THSD4: variants seen among roughly 807,000 people sequenced by gnomAD.
The protein encoded by THSD4 is thrombospondin type-1 domain-containing protein 4.
THSD4 carries 69 observed loss-of-function variants against 119.0 expected under a neutral mutation model. That is an observed-to-expected ratio of 0.58 (90% confidence interval 0.48 to 0.71). The LOEUF is 0.71. Ranked by LOEUF, THSD4 falls within the 30% of genes least tolerant of loss-of-function variation. The pLI, the probability that THSD4 is intolerant of heterozygous loss-of-function variation, is 0.00. For synonymous variants in THSD4, 524 were observed against 540.4 expected (o/e 0.97, Z 0.42); for missense variants, 1,393 against 1,391.1 (o/e 1.00, Z -0.02).
intron 7 of THSD4, among the ~76,000 whole-genome samples, chr15:71,612,822 G>T (rs1041998318): frequency 6.6e-6 from 1 of 152,212 alleles, no homozygotes; most frequent in Non-Finnish European, 1.5e-5. Context: ...AAATGGATGG[G>T]TGTTGCTTTG....
intron 1 of THSD4, among the ~76,000 whole-genome samples, chr15:71,107,962 T>G (rs1033981662): frequency 1.4e-4 from 22 of 152,210 alleles, no homozygotes; most frequent in African/African-American, 4.3e-4. Flanking sequence ...CCTGAATCAC[T>G]GCTTCGTTTT....
rs1025890032 is a variant in THSD4, at chr15:71,215,908, C to T, written c.464+509C>T. Reference sequence around the variant, plus strand: ...TGTGAACTTTTCTAGTAAGTTTCTCCGAAGTTTTTTGAGTCAACACATTGG... The same window carrying T: ...TGTGAACTTTTCTAGTAAGTTTCTCTGAAGTTTTTTGAGTCAACACATTGG... On this transcript the variant is annotated intron_variant, in intron 4 of 17. Transcript: ENST00000261862. Among the ~76,000 whole-genome samples, 4 of 152,292 alleles carry T rather than the reference C, an allele frequency of 2.6e-5. No homozygotes were observed. In the East Asian group the frequency reaches 5.8e-4, roughly 22 times the overall value.
chr15:71,742,000 G>T (rs1366732531), intron 11 of THSD4, among the ~76,000 whole-genome samples: 1 of 152,210 alleles, frequency 6.6e-6, no homozygotes, highest in Non-Finnish European at 1.5e-5. Context: ...AGGCAATGCG[G>T]AGGCACAGAT....
At chr15:71,734,110 C>T (rs1414048492) in intron 10 of THSD4, among the ~76,000 whole-genome samples, 1 of 151,926 alleles carries the variant, frequency 6.6e-6, no homozygotes, top group African/African-American at 2.4e-5. Flanking sequence ...CACCCAGCCC[C>T]CTTGTAGTTT....
At chr15:71,568,057 G>A (rs1440883138) in intron 7 of THSD4, among the ~76,000 whole-genome samples, 3 of 151,998 alleles carry the variant, frequency 2.0e-5, no homozygotes, top group Non-Finnish European at 4.4e-5. Context: ...TCTTGGTATA[G>A]GATGAGTATA....
chr15:71,718,135 C>T (rs947727506), intron 8 of THSD4, among the ~76,000 whole-genome samples: 12 of 133,796 alleles, frequency 9.0e-5, no homozygotes, highest in African/African-American at 2.8e-4. Context: ...GGCAACAGAG[C>T]GAGACCCTGT....
chr15:71,110,727 C>T, upstream of THSD4: 1 of 181,674 alleles, frequency 5.5e-6, no homozygotes, highest in Admixed American at 5.3e-5. Context: ...AGTCCCCTGC[C>T]TTCCTCAGGG....
At chr15:71,179,947 T>A (rs1390271656) in intron 3 of THSD4, among the ~76,000 whole-genome samples, 3 of 79,578 alleles carry the variant, frequency 3.8e-5, no homozygotes, top group Non-Finnish European at 7.6e-5. Context: ...AACAATGAGA[T>A]CACATGGACA....
intron 13 of THSD4, 53 bp from the exon 14 acceptor site, chr15:71,748,368 T>C: frequency 2.5e-6 from 4 of 1,602,114 alleles, no homozygotes; most frequent in Non-Finnish European, 2.6e-6. Context: ...CTGGCAATTC[T>C]CTCCCAGAGC....
intron 7 of THSD4, among the ~76,000 whole-genome samples, chr15:71,452,262 G>A (rs531011123): frequency 6.6e-6 from 1 of 152,278 alleles, no homozygotes; most frequent in South Asian, 2.1e-4. Context: ...ACTCTGCAAG[G>A]TGATCTCCCA....
chr15:71,454,900 G>A (rs1426031067), intron 7 of THSD4, among the ~76,000 whole-genome samples: 1 of 152,174 alleles, frequency 6.6e-6, no homozygotes, highest in East Asian at 1.9e-4. Flanking sequence ...GATCAAGATG[G>A]GAGGAATAAA....
chr15:71,605,904 G>A (rs759531172), intron 7 of THSD4, among the ~76,000 whole-genome samples: 9 of 152,174 alleles, frequency 5.9e-5, no homozygotes, highest in Non-Finnish European at 1.0e-4. Flanking sequence ...GGGGAGGAAG[G>A]CACAGGAGAC....
In THSD4 at chr15:71,771,082, G is replaced by A. The variant is rs749116588; in HGVS notation, c.2788G>A (p.Gly930Ser). ...EWSMCSKSCQ[G>S]GFRVREVRCL... ...CATGCAGTGTTCCAAGAGCTGCCAG[G>A]GTGGCTTTCGGGTCCGGGAAGTGCG... Residue 930 changes from glycine (G) to serine (S), a missense_variant, in exon 17 of 18, where the codon GGT becomes AGT. Gly to Ser is a moderately conservative substitution (Grantham distance 56, BLOSUM62 0). Transcript: ENST00000261862. 1.9e-6 allele frequency: 3 copies of A among 1,614,006 alleles called. No individual in the cohort carries two copies. In the African/African-American group the frequency reaches 4.0e-5, roughly 22 times the overall value.
Position 71,780,606 on chromosome 15 carries a change from C to T in THSD4, c.*3232C>T, listed in dbSNP as rs1398912553. On this transcript the variant is annotated 3_prime_UTR_variant, in exon 18 of 18. Transcript: ENST00000261862. ...CAGTTCAGTTCCGTAAAGGTATGCT[C>T]AGTGCCCGCTGCCTGCAAGCTGTTG... 2.2e-6 allele frequency: 1 copy of T among 454,942 alleles called. No individual in the cohort carries two copies. Among genetic ancestry groups the T allele is most frequent in the Non-Finnish European group, 4.4e-6 (1 of 226,390 alleles). The allele number at this position is 454,942 out of a possible 1,614,324, so 28.2% of individuals were successfully genotyped here. A position where few individuals can be genotyped will look rare whatever the true frequency, so the allele number is the denominator to read the frequency against.
intron 7 of THSD4, among the ~76,000 whole-genome samples, chr15:71,456,400 T>C (rs970555103): frequency 4.6e-5 from 7 of 152,158 alleles, no homozygotes; most frequent in Admixed American, 2.6e-4. Flanking sequence ...ATCATCTTTG[T>C]TGAAAAAGAA....
At chr15:71,562,698 C>CT (rs34555744) in intron 7 of THSD4, among the ~76,000 whole-genome samples, 5,116 of 125,156 alleles carry the variant, frequency 0.041, 400 homozygotes, top group African/African-American at 0.12. Flanking sequence ...ACCTTTGGTC[C>CT]TTTTTTTTTT....
intron 6 of THSD4, among the ~76,000 whole-genome samples, chr15:71,296,283 A>AGG (rs1393729000): frequency 1.3e-5 from 2 of 152,338 alleles, no homozygotes; most frequent in East Asian, 3.9e-4. Flanking sequence ...ACAATAGATA[A>AGG]GGGTTACCCT....
At chr15:71,599,840 G>T (rs144820675) in intron 7 of THSD4, among the ~76,000 whole-genome samples, 2 of 152,286 alleles carry the variant, frequency 1.3e-5, no homozygotes, top group Non-Finnish European at 2.9e-5. Flanking sequence ...ACTGGGAGCC[G>T]CATAAAGCCC....
At chr15:71,408,978 A>AAT (rs1185015681) in intron 6 of THSD4, among the ~76,000 whole-genome samples, 1 of 152,178 alleles carries the variant, frequency 6.6e-6, no homozygotes, top group Non-Finnish European at 1.5e-5. Context: ...AGTTTTGTTA[A>AAT]GAAGTCCCTT....
Sources: gnomAD v4.1 joint callset for allele counts (sites outside exome capture counted in the v4.1 genomes callset) on GRCh38, gnomAD v4.1.1 for gene constraint, MANE v1.5 for transcripts, NCBI Gene and HGNC (gene_info 2026-07-23, HGNC 2026-07-21) for gene names.